CRIM1: variants seen among roughly 807,000 people sequenced by gnomAD.
CRIM1 encodes cysteine-rich motor neuron 1 protein.
In CRIM1, 32 loss-of-function variants were observed where a neutral mutation model predicts 116.4. That is an observed-to-expected ratio of 0.27 (90% CI 0.21 to 0.37). The LOEUF is 0.37. Ranked by LOEUF, CRIM1 falls within the 10% of genes least tolerant of loss-of-function variation. CRIM1 has a pLI of 1.00. For missense variants in CRIM1, 1,331 were observed against 1,354.8 expected (o/e 0.98, Z 0.28); for synonymous variants, 590 against 509.2 (o/e 1.16, Z -2.13).
chr2:36,448,704 G>C lies in CRIM1; in HGVS notation c.869+5969G>C, dbSNP rs192460298. On this transcript the variant is annotated intron_variant, in intron 4 of 16. Coordinates refer to ENST00000280527, the MANE Select transcript of CRIM1 (RefSeq NM_016441.3). ...TTATGAAATTTGTCCCAAACTTTTT[G>C]TTCTAAAAGTTCTGTTATCAATTTG... 1.5e-4 allele frequency among the ~76,000 whole-genome samples: 23 copies of C among 152,030 alleles called. 1 individual carries two copies. The highest frequency in any genetic ancestry group is 1.5e-3 in the Admixed American group (23 of 15,278).
intron 14 of CRIM1, among the ~76,000 whole-genome samples, chr2:36,539,980 A>G (rs1666835594): frequency 6.6e-6 from 1 of 152,132 alleles, no homozygotes; most frequent in African/African-American, 2.4e-5. Context: ...AATAGAAAAG[A>G]AAAGAGAGCG....
intron 1 of CRIM1, among the ~76,000 whole-genome samples, chr2:36,395,734 C>T (rs973802465): frequency 6.6e-6 from 1 of 152,164 alleles, no homozygotes; most frequent in African/African-American, 2.4e-5. Flanking sequence ...AGCTGCACCA[C>T]TTTAGTTTTT....
In CRIM1 at chr2:36,549,331, T is replaced by C. The variant is rs544043759; in HGVS notation, c.*630T>C. On this transcript the variant is annotated 3_prime_UTR_variant, in exon 17 of 17. Coordinates refer to ENST00000280527, the MANE Select transcript of CRIM1 (RefSeq NM_016441.3). ...AGCCAGAGAAATGCGATAGCGGCAT[T>C]TCTCTAAAGCGGGTTATTAAGGATA... The C allele has an allele frequency of 6.5e-6, 1 of 152,784 alleles. No homozygotes were observed. Among genetic ancestry groups the C allele is most frequent in the South Asian group, 2.1e-4 (1 of 4,832 alleles). The allele number at this position is 152,784 out of a possible 1,614,324, so 9.5% of individuals were successfully genotyped here.
intron 1 of CRIM1, among the ~76,000 whole-genome samples, chr2:36,383,618 T>C (rs1336207803): frequency 6.6e-6 from 1 of 152,158 alleles, no homozygotes; most frequent in Non-Finnish European, 1.5e-5. Context: ...AGTATAGAAA[T>C]GAGGGAAGCA....
In CRIM1 at chr2:36,356,846, G is replaced by A. The variant is rs1668849148; in HGVS notation, c.331+223G>A. ...CGGGCGAGGTTGGGTATGGTGGGTG[G>A]GGGCGAGCGAGTGGAGGATCGCCCC... On this transcript the variant is annotated intron_variant, in intron 1 of 16. Coordinates refer to ENST00000280527, the MANE Select transcript of CRIM1 (RefSeq NM_016441.3). The surrounding 1 kb of genome is among the most constrained non-coding windows in gnomAD (Gnocchi z 4.3). Among the ~76,000 whole-genome samples, 1 of 152,320 alleles carries A rather than the reference G, an allele frequency of 6.6e-6. No homozygotes were observed. The highest frequency in any genetic ancestry group is 6.5e-5 in the Admixed American group (1 of 15,312).
chr2:36,378,406 AAG>A (rs1483976194), intron 1 of CRIM1: 1 of 471,162 alleles, frequency 2.1e-6, no homozygotes, highest in Non-Finnish European at 4.4e-6. Flanking sequence ...GCTCATCTCA[AAG>A]AGGAACAAAT....
chr2:36,537,196 G>A (rs1404180163), intron 13 of CRIM1, among the ~76,000 whole-genome samples, 156 bp from the exon 14 acceptor site: 2 of 152,174 alleles, frequency 1.3e-5, no homozygotes, highest in African/African-American at 4.8e-5. Flanking sequence ...GTCCTCCTAA[G>A]GAAATGAAAG....
chr2:36,425,393 G>T (rs893710178), intron 2 of CRIM1, among the ~76,000 whole-genome samples: 1 of 152,170 alleles, frequency 6.6e-6, no homozygotes, highest in Non-Finnish European at 1.5e-5. Context: ...TTCACTAGGA[G>T]TACTGGTACA....
chr2:36,407,703 C>CA (rs10719018), intron 2 of CRIM1, among the ~76,000 whole-genome samples: 21,736 of 99,536 alleles, frequency 0.22, 2,425 homozygotes, highest in African/African-American at 0.39. Flanking sequence ...TTGTGCCCGT[C>CA]AAAAAAAAAA....
intron 1 of CRIM1, among the ~76,000 whole-genome samples, chr2:36,360,153 G>T (rs560269877): frequency 7.5e-4 from 114 of 152,352 alleles, no homozygotes; most frequent in African/African-American, 2.2e-3. Flanking sequence ...CTTCTCCCAT[G>T]TGTCATAGCG....
chr2:36,462,505 T>C (rs551266664), intron 4 of CRIM1, among the ~76,000 whole-genome samples: 2 of 152,338 alleles, frequency 1.3e-5, no homozygotes, highest in South Asian at 4.1e-4. Flanking sequence ...AGTGCACGTG[T>C]TCAGTAAAGG....
intron 13 of CRIM1, among the ~76,000 whole-genome samples, chr2:36,535,911 G>T (rs1401091750): frequency 6.6e-6 from 1 of 152,250 alleles, no homozygotes; most frequent in Non-Finnish European, 1.5e-5. Flanking sequence ...TATACAGGGG[G>T]ATGTGAGTAG....
intron 12 of CRIM1, among the ~76,000 whole-genome samples, chr2:36,520,178 G>A (rs1378344368): frequency 6.6e-6 from 1 of 152,212 alleles, no homozygotes. Flanking sequence ...GTCACTGCCA[G>A]CGTATCCTGA....
intron 4 of CRIM1, among the ~76,000 whole-genome samples, chr2:36,455,583 C>T (rs1279092853): frequency 2.0e-5 from 3 of 152,122 alleles, no homozygotes; most frequent in African/African-American, 2.4e-5. Context: ...ACAGAGTCAC[C>T]GGAAGGGAAG....
chr2:36,402,566 T>TA (rs1672497369), intron 2 of CRIM1, among the ~76,000 whole-genome samples: 1 of 151,828 alleles, frequency 6.6e-6, no homozygotes, highest in Admixed American at 6.6e-5. Context: ...TTTGACATGA[T>TA]TTGTCTTTTA....
In CRIM1 at chr2:36,537,274, C is replaced by T. The variant is rs1008453992; in HGVS notation, c.2429-78C>T. On this transcript the variant is annotated intron_variant, in intron 13 of 16. Coordinates refer to ENST00000280527, the MANE Select transcript of CRIM1 (RefSeq NM_016441.3). Reference sequence around the variant, plus strand: ...GCATACTGTGATTATACAAAGCTATCCCTTGATCTCTCACGTCTAATAAGA... The same window carrying T: ...GCATACTGTGATTATACAAAGCTATTCCTTGATCTCTCACGTCTAATAAGA... 1.1e-5 allele frequency: 14 copies of T among 1,310,448 alleles called. No homozygotes were observed. The Admixed American group carries it at 1.2e-4, about 11-fold the overall frequency. 81.2% of individuals were successfully genotyped at this position (1,310,448 alleles called of 1,614,324 possible).
At chr2:36,537,280 ATC>A (rs1441626728) in intron 13 of CRIM1, 70 bp from the exon 14 acceptor site, 4 of 1,370,224 alleles carry the variant, frequency 2.9e-6, no homozygotes, top group Non-Finnish European at 3.1e-6. Flanking sequence ...CTATCCCTTG[ATC>A]TCTCACGTCT....
chr2:36,407,408 CAGTT>C (rs1672892086), intron 2 of CRIM1, among the ~76,000 whole-genome samples: 2 of 152,164 alleles, frequency 1.3e-5, no homozygotes, highest in South Asian at 4.1e-4. Context: ...TTTACGTTGA[CAGTT>C]AATATTTAAA....
At chr2:36,366,767 T>A (rs11898050) in intron 1 of CRIM1, among the ~76,000 whole-genome samples, 29,137 of 152,182 alleles carry the variant, frequency 0.19, 3,408 homozygotes, top group Non-Finnish European at 0.26. Flanking sequence ...TTCACAGCTG[T>A]GATTAAACAA....
Sources: allele counts gnomAD v4.1 joint callset (sites outside exome capture counted in the v4.1 genomes callset), GRCh38; gene constraint gnomAD v4.1.1; non-coding constraint Gnocchi (gnomAD v3.1); transcripts MANE v1.5; gene names NCBI Gene and HGNC (gene_info 2026-07-23, HGNC 2026-07-21).